Variants in AKAP19 observed in about 807,000 individuals in gnomAD.
AKAP19 encodes small A-kinase anchoring protein.
At chr2:189,941,015 G>T in the AKAP19 span, among the ~76,000 whole-genome samples, 2 of 152,150 alleles carry the variant, frequency 1.3e-5, no homozygotes, top group Non-Finnish European at 2.9e-5. Context: ...GAGAAAAGAA[G>T]AATATAACAC....
chr2:189,914,653 AT>A, the AKAP19 span, among the ~76,000 whole-genome samples: 12 of 152,226 alleles, frequency 7.9e-5, no homozygotes, highest in Non-Finnish European at 1.6e-4. Flanking sequence ...CAGAGAAGAT[AT>A]TTAAAATGTT....
At chr2:190,105,525 T>A in the AKAP19 span, among the ~76,000 whole-genome samples, 1 of 152,260 alleles carries the variant, frequency 6.6e-6, no homozygotes, top group Non-Finnish European at 1.5e-5. Flanking sequence ...CAGTTTAGAC[T>A]GAGCTCTTTG....
At chr2:190,158,319 A>G in the AKAP19 span, among the ~76,000 whole-genome samples, 1 of 152,188 alleles carries the variant, frequency 6.6e-6, no homozygotes, top group Admixed American at 6.5e-5. Context: ...TTGTCCTGCT[A>G]CAAAAGCAGG....
At chr2:190,154,765 A>G in the AKAP19 span, among the ~76,000 whole-genome samples, 1 of 152,234 alleles carries the variant, frequency 6.6e-6, no homozygotes, top group Non-Finnish European at 1.5e-5. Flanking sequence ...CTGGCAGTCT[A>G]GATTCAAAGA....
chr2:189,952,336 G>T, the AKAP19 span, among the ~76,000 whole-genome samples: 5,132 of 152,152 alleles, frequency 0.034, 274 homozygotes, highest in African/African-American at 0.11. Context: ...GGCTTATTTC[G>T]TCTCCTGCCT....
the AKAP19 span, among the ~76,000 whole-genome samples, chr2:190,112,454 A>G: frequency 2.0e-5 from 3 of 152,190 alleles, no homozygotes; most frequent in Non-Finnish European, 4.4e-5. Context: ...AAAAAGAAGT[A>G]CCTGTCTTAT....
At chr2:189,923,230 A>T in the AKAP19 span, 42 of 1,105,804 alleles carry the variant, frequency 3.8e-5, no homozygotes, top group Non-Finnish European at 5.4e-5. Flanking sequence ...CTCCAGCAGC[A>T]GTCGGCTTCT....
chr2:190,073,973 C>T, the AKAP19 span, among the ~76,000 whole-genome samples: 2 of 149,868 alleles, frequency 1.3e-5, no homozygotes. Context: ...ACCTGGGAGG[C>T]GGAGGTTACA....
the AKAP19 span, among the ~76,000 whole-genome samples, chr2:190,021,603 G>C: frequency 6.6e-6 from 1 of 152,206 alleles, no homozygotes; most frequent in East Asian, 1.9e-4. Flanking sequence ...TTTGAGCTGA[G>C]CCCATGCTTT....
chr2:190,104,938 T>C, the AKAP19 span, among the ~76,000 whole-genome samples: 1 of 152,150 alleles, frequency 6.6e-6, no homozygotes, highest in Non-Finnish European at 1.5e-5. Context: ...TACAATGAGA[T>C]ACCATTTCAT....
chr2:190,180,964 G>C, the AKAP19 span: 1 of 985,426 alleles, frequency 1.0e-6, no homozygotes, highest in Non-Finnish European at 1.2e-6. This position sits in a 1 kb window ranked among gnomAD's most constrained non-coding sequence, Gnocchi z 6.8. Flanking sequence ...GCTGCCGCCC[G>C]CCCAGACGCC....
the AKAP19 span, among the ~76,000 whole-genome samples, chr2:190,128,039 G>A: frequency 4.6e-5 from 7 of 152,190 alleles, no homozygotes; most frequent in Non-Finnish European, 7.4e-5. Context: ...TAACAGTAGG[G>A]GTGGCACTCA....
At chr2:190,122,674 C>G in the AKAP19 span, among the ~76,000 whole-genome samples, 1 of 152,108 alleles carries the variant, frequency 6.6e-6, no homozygotes, top group Non-Finnish European at 1.5e-5. Context: ...TGTAATGTAG[C>G]CTTTATTCCT....
chr2:189,907,752 A>G, the AKAP19 span, among the ~76,000 whole-genome samples: 1 of 152,110 alleles, frequency 6.6e-6, no homozygotes, highest in African/African-American at 2.4e-5. Flanking sequence ...ATATTAAGCA[A>G]ATATTATCAT....
At chr2:190,081,466 T>G in the AKAP19 span, among the ~76,000 whole-genome samples, 1 of 152,118 alleles carries the variant, frequency 6.6e-6, no homozygotes, top group African/African-American at 2.4e-5. Flanking sequence ...CCCCTGAAAA[T>G]TATTTACTCC....
chr2:189,978,492 A>G, the AKAP19 span, among the ~76,000 whole-genome samples: 2 of 152,168 alleles, frequency 1.3e-5, no homozygotes, highest in African/African-American at 4.8e-5. Context: ...ATGGTGGTGC[A>G]TGCTTGTAGT....
At chr2:190,192,562 A>G in the AKAP19 span, among the ~76,000 whole-genome samples, 1 of 151,844 alleles carries the variant, frequency 6.6e-6, no homozygotes, top group Admixed American at 6.6e-5. Flanking sequence ...CCATTTGTCA[A>G]TGTCTACAGA....
chr2:190,127,845 G>A, the AKAP19 span, among the ~76,000 whole-genome samples: 2 of 151,982 alleles, frequency 1.3e-5, no homozygotes, highest in African/African-American at 4.8e-5. Context: ...AGTGCTGATG[G>A]TACCTGAGAT....
At chr2:190,000,433 T>C in the AKAP19 span, among the ~76,000 whole-genome samples, 1 of 152,214 alleles carries the variant, frequency 6.6e-6, no homozygotes, top group Non-Finnish European at 1.5e-5. Flanking sequence ...TTTGTTATTT[T>C]TGCCTGCCCA....
Sources: allele counts gnomAD v4.1 joint callset (sites outside exome capture counted in the v4.1 genomes callset), GRCh38; gene constraint gnomAD v4.1.1; non-coding constraint Gnocchi (gnomAD v3.1); transcripts MANE v1.5; gene names NCBI Gene and HGNC (gene_info 2026-07-23, HGNC 2026-07-21).